The following AMZ1 variants were observed in gnomAD, a reference collection of about 807,000 sequenced individuals.
The protein encoded by AMZ1 is archaelysin family metallopeptidase 1, also known as archaemetzincin-1.
AMZ1 carries 39 observed loss-of-function variants against 29.9 expected under a neutral mutation model. The observed-to-expected ratio is 1.30, with a 90% CI of 1.01 to 1.70. The LOEUF is 1.70. Ranked by LOEUF, AMZ1 falls within the 40% of genes most tolerant of loss-of-function variation. The probability of loss-of-function intolerance (pLI) is 0.00; values close to 1 mark genes in which losing one functional copy is unlikely to be tolerated. For synonymous variants in AMZ1, 458 were observed against 304.0 expected (o/e 1.51, Z -5.27); for missense variants, 1,041 against 680.6 (o/e 1.53, Z -5.89).
In AMZ1 at chr7:2,731,827, AAAGAT is replaced by A. The variant is rs1179148603; in HGVS notation, n.550+22016_550+22020del. ...GAAAATAGAAACAAAAAGATGGCAA[AAAGAT>A]AAGAAGGAAAGAGACTGACTTTTGC... On this transcript the variant is annotated intron_variant and non_coding_transcript_variant, in intron 4 of 4. Coordinates refer to the AMZ1 transcript ENST00000489665. This position sits in a 1 kb window ranked among gnomAD's most constrained non-coding sequence, Gnocchi z 6.0. 5.2e-6 allele frequency: 4 copies of A among 765,336 alleles called. No homozygotes were observed. The highest frequency in any genetic ancestry group is 5.2e-5 in the African/African-American group (3 of 57,804). 47.4% of individuals were successfully genotyped at this position (765,336 alleles called of 1,614,324 possible). A position where few individuals can be genotyped will look rare whatever the true frequency, so the allele number is the denominator to read the frequency against.
intron 1 of AMZ1, among the ~76,000 whole-genome samples, chr7:2,692,403 G>T (rs1047320380): frequency 6.6e-6 from 1 of 152,194 alleles, no homozygotes. Flanking sequence ...TTAGCCGGGT[G>T]TGGTGGCGGG....
In AMZ1 at chr7:2,756,372, G is replaced by C. The variant is rs553243656; in HGVS notation, n.551-8340G>C. Reference sequence around the variant, plus strand: ...AACTAGACTGAAAAAAACATAGGATGTCAGGTATGGTGGCTCACATTTATA... The same window carrying C: ...AACTAGACTGAAAAAAACATAGGATCTCAGGTATGGTGGCTCACATTTATA... On this transcript the variant is annotated intron_variant and non_coding_transcript_variant, in intron 4 of 4. Coordinates refer to the AMZ1 transcript ENST00000489665. 2.0e-5 allele frequency among the ~76,000 whole-genome samples: 3 copies of C among 152,194 alleles called. No individual in the cohort carries two copies. The South Asian group carries it at 6.2e-4, about 32-fold the overall frequency.
chr7:2,708,436 C>G (rs991678586), intron 3 of AMZ1, 152 bp from the exon 4 acceptor site: 21 of 1,191,568 alleles, frequency 1.8e-5, no homozygotes, highest in Middle Eastern at 2.7e-4. Flanking sequence ...ACTGTGTGCC[C>G]TCAGGTCACA....
chr7:2,703,246 C>T (rs1182941288), intron 3 of AMZ1, among the ~76,000 whole-genome samples: 3 of 152,092 alleles, frequency 2.0e-5, no homozygotes, highest in Non-Finnish European at 4.4e-5. Context: ...TTGAGGCAAG[C>T]GATTCTCCTG....
rs202039876 is a variant in AMZ1, at chr7:2,708,589, C to T, written c.474C>T (p.Asp158=). 3.7e-5 allele frequency: 59 copies of T among 1,612,314 alleles called. No homozygotes were observed. The highest frequency in any genetic ancestry group is 3.6e-4 in the East Asian group (16 of 44,896). The change falls in exon 4 of 7, where the codon GAC becomes GAT. Residue 158 remains aspartate, a splice_region_variant and synonymous_variant. Coordinates refer to ENST00000683327, the MANE Select transcript of AMZ1 (RefSeq NM_001384743.1). ...CATCCTCTGGCCCTCTCCCCGCAGA[C>T]GGCATCCTGTCCTTCTTGAAGAACA... ...RDSDRLQLHT[D]GILSFLKNNK...
intron 4 of AMZ1, among the ~76,000 whole-genome samples, chr7:2,737,289 G>GTTT (rs11389467): frequency 1.6e-4 from 10 of 62,302 alleles, no homozygotes; most frequent in South Asian, 5.3e-4. Flanking sequence ...TTTTTTTTTT[G>GTTT]TTTTTTTTTT....
Position 2,714,062 on chromosome 7 carries a change from T to A in AMZ1, c.*1184T>A, listed in dbSNP as rs1788975715. 6.6e-6 allele frequency: 1 copy of A among 152,252 alleles called. No homozygotes were observed. The allele number at this position is 152,252 out of a possible 1,614,324, so 9.4% of individuals were successfully genotyped here. A position where few individuals can be genotyped will look rare whatever the true frequency, so the allele number is the denominator to read the frequency against. On this transcript the variant is annotated 3_prime_UTR_variant, in exon 7 of 7. Transcript: ENST00000683327. ...CGTCCCTGCACATTTGATTGTTGTGTCTTCCTGAGGAATTGACCCTTTTAT... is the reference window on the plus strand; with the variant it reads ...CGTCCCTGCACATTTGATTGTTGTGACTTCCTGAGGAATTGACCCTTTTAT...
chr7:2,744,352 G>C (rs1379757461), intron 4 of AMZ1, among the ~76,000 whole-genome samples: 1 of 152,198 alleles, frequency 6.6e-6, no homozygotes, highest in African/African-American at 2.4e-5. Context: ...AGCAGCATTT[G>C]TGGGTCACCA....
At chr7:2,739,477 CAA>C (rs1491332572) in intron 4 of AMZ1, among the ~76,000 whole-genome samples, 2 of 103,406 alleles carry the variant, frequency 1.9e-5, no homozygotes, top group African/African-American at 6.6e-5. Context: ...ATTTTACGGC[CAA>C]TATATATATA....
At chr7:2,720,333 G>A (rs1237846203), downstream of AMZ1, among the ~76,000 whole-genome samples, 5 of 152,336 alleles carry the variant, frequency 3.3e-5, no homozygotes, top group East Asian at 9.6e-4. Flanking sequence ...ACGTCAGGGT[G>A]AACACTTTTT....
downstream of AMZ1, among the ~76,000 whole-genome samples, chr7:2,722,221 G>A (rs74838648): frequency 1.2e-4 from 19 of 152,112 alleles, no homozygotes; most frequent in Non-Finnish European, 2.8e-4. Flanking sequence ...GGCGACGCTT[G>A]TGCCCATCGA....
chr7:2,733,397 G>C, intron 4 of AMZ1: 2 of 1,226,700 alleles, frequency 1.6e-6, no homozygotes, highest in African/African-American at 3.7e-5. Context: ...TTGGTCTCTG[G>C]ACACGTTTTC....
In AMZ1 at chr7:2,700,517, C is replaced by G; in HGVS notation, c.66C>G (p.Val22=). 6.2e-7 allele frequency: 1 copy of G among 1,607,558 alleles called. No individual in the cohort carries two copies. The highest frequency in any genetic ancestry group is 1.1e-5 in the South Asian group (1 of 91,082). ...CCCGGGCCTTGAAGGACGCTCTGGT[C>G]TCCACTGACGCAGCCCTGCAGCAGC... is the stretch of plus-strand genomic sequence containing the variant. ...FGPRALKDAL[V]STDAALQQLY... Residue 22 remains valine, a synonymous_variant, in exon 2 of 7, where the codon GTC becomes GTG. Coordinates refer to ENST00000683327, the MANE Select transcript of AMZ1 (RefSeq NM_001384743.1).
intron 1 of AMZ1, among the ~76,000 whole-genome samples, chr7:2,691,596 C>G (rs1352397203): frequency 6.8e-6 from 1 of 147,782 alleles, no homozygotes; most frequent in Non-Finnish European, 1.5e-5. Flanking sequence ...CAAAAATAAG[C>G]TGGGTGTGGT....
At chr7:2,742,464 A>G (rs1483352829) in intron 4 of AMZ1, among the ~76,000 whole-genome samples, 2 of 152,156 alleles carry the variant, frequency 1.3e-5, no homozygotes, top group Admixed American at 6.5e-5. Context: ...TCCACTGTCA[A>G]CAAGAGCCCT....
upstream of AMZ1, among the ~76,000 whole-genome samples, chr7:2,686,404 C>T (rs1013815890): frequency 5.9e-5 from 9 of 151,938 alleles, no homozygotes; most frequent in South Asian, 4.2e-4. Flanking sequence ...TGTGATGGCA[C>T]GTACCTGTAG....
intron 4 of AMZ1, among the ~76,000 whole-genome samples, chr7:2,742,634 T>C (rs1255911426): frequency 6.6e-6 from 1 of 152,208 alleles, no homozygotes; most frequent in Admixed American, 6.5e-5. Flanking sequence ...TAAAGTCAGC[T>C]GTCAATGTCT....
chr7:2,721,209 G>T (rs1250704700), downstream of AMZ1, among the ~76,000 whole-genome samples: 3 of 152,186 alleles, frequency 2.0e-5, no homozygotes, highest in Admixed American at 1.3e-4. Flanking sequence ...CCAGGGGAGG[G>T]TGGAGCTCAG....
chr7:2,733,495 A>AGGAAGTAC (rs1790005555), intron 4 of AMZ1: 1 of 1,612,806 alleles, frequency 6.2e-7, no homozygotes, highest in Non-Finnish European at 8.5e-7. Context: ...TACTTCACCG[A>AGGAAGTAC]CTCCCCCTGT....
Sources: allele counts gnomAD v4.1 joint callset (sites outside exome capture counted in the v4.1 genomes callset), GRCh38; gene constraint gnomAD v4.1.1; non-coding constraint Gnocchi (gnomAD v3.1); transcripts MANE v1.5; gene names NCBI Gene and HGNC (gene_info 2026-07-23, HGNC 2026-07-21).